ZBTB25: variants seen among roughly 807,000 people sequenced by gnomAD.
ZBTB25 encodes zinc finger and BTB domain containing 25, also known as zinc finger and BTB domain-containing protein 25.
A neutral mutation model predicts 34.2 loss-of-function variants in ZBTB25; 20 were observed. The ratio of observed to expected loss-of-function variants is 0.58; its 90% CI spans 0.41 to 0.85. The LOEUF (loss-of-function observed/expected upper bound fraction) is 0.85, where lower values mean the gene tolerates loss of function less well. Ranked by LOEUF, ZBTB25 falls within the 40% of genes least tolerant of loss-of-function variation. The pLI, the probability that ZBTB25 is intolerant of heterozygous loss-of-function variation, is 0.00. For missense variants in ZBTB25, 437 were observed against 521.8 expected (o/e 0.84, Z 1.58); for synonymous variants, 175 against 186.4 (o/e 0.94, Z 0.50).
In ZBTB25 at chr14:64,489,566, C is replaced by T. The variant is rs1290485684; in HGVS notation, c.173+795G>A. Among the ~76,000 whole-genome samples the T allele has an allele frequency of 4.5e-4, 67 of 149,200 alleles. 1 individual carries two copies. Among genetic ancestry groups the T allele is most frequent in the Admixed American group, 3.7e-3 (55 of 15,002 alleles). On this transcript the variant is annotated intron_variant, in intron 2 of 2. Transcript: ENST00000608382. ...TTTTTTTTTTTTTGAGACAGAGTCT[C>T]GCTCTGTCACCCAGGCTGGAATGCA...
rs566993386 is a variant in ZBTB25 at position 64,459,273 on chromosome 14, T to C, written c.174-9635A>G. 3.3e-5 allele frequency among the ~76,000 whole-genome samples: 5 copies of C among 152,310 alleles called. No individual in the cohort carries two copies. The South Asian group carries it at 1.0e-3, about 32-fold the overall frequency. On this transcript the variant is annotated intron_variant, in intron 2 of 2. Coordinates refer to the ZBTB25 transcript ENST00000555220. ...TGAGTTTTGGGAAACTGAACCCTCATTTGGACATTAGCGAAGGGGCATTCT... is the reference window on the plus strand; with the variant it reads ...TGAGTTTTGGGAAACTGAACCCTCACTTGGACATTAGCGAAGGGGCATTCT...
intron 2 of ZBTB25, chr14:64,469,831 A>C (rs935057461): frequency 1.7e-6 from 1 of 588,278 alleles, no homozygotes; most frequent in African/African-American, 1.9e-5. Flanking sequence ...AGATTAAGTC[A>C]AGTTTATAAA....
At chr14:64,504,514 A>AGCCGCC (rs1012025922), upstream of ZBTB25, 2 of 167,428 alleles carry the variant, frequency 1.2e-5, no homozygotes, top group Non-Finnish European at 2.6e-5. Flanking sequence ...GGGGTGGTCA[A>AGCCGCC]GCCGCCGCCG....
intron 2 of ZBTB25, chr14:64,470,308 G>GGCC (rs1449664191): frequency 6.0e-6 from 1 of 166,982 alleles, no homozygotes; most frequent in Non-Finnish European, 1.5e-5. Context: ...AGCGCTATTT[G>GGCC]GCCAGGGGCA....
chr14:64,458,493 T>C (rs2078510411), intron 2 of ZBTB25: 1 of 631,644 alleles, frequency 1.6e-6, no homozygotes, highest in African/African-American at 1.8e-5. Flanking sequence ...GAAATATTTA[T>C]ATTTCAACAC....
At chr14:64,474,045 A>C (rs1294956321), downstream of ZBTB25, 1 of 167,080 alleles carries the variant, frequency 6.0e-6, no homozygotes, top group Non-Finnish European at 1.5e-5. Flanking sequence ...TTGATAAGGG[A>C]GACAGGCTCC....
At chr14:64,494,330 G>C (rs1435072371) in intron 1 of ZBTB25, among the ~76,000 whole-genome samples, 1 of 152,182 alleles carries the variant, frequency 6.6e-6, no homozygotes, top group East Asian at 1.9e-4. Flanking sequence ...GACTGCAGGG[G>C]ATATTAGAAA....
Position 64,500,866 on chromosome 14 carries a change from C to G in ZBTB25, c.-8+2795G>C, listed in dbSNP as rs1486686173. ...AGGAGTTCAAGACCCGCCTGGCCAA[C>G]ATGGCGAAACCCTGTCTCTACTAAA... On this transcript the variant is annotated intron_variant, in intron 1 of 2. Coordinates refer to ENST00000608382, the MANE Select transcript of ZBTB25 (RefSeq NM_006977.5). Among the ~76,000 whole-genome samples the G allele has an allele frequency of 9.9e-5, 15 of 152,232 alleles. No individual in the cohort carries two copies. The South Asian group carries it at 2.9e-3, about 29-fold the overall frequency.
At chr14:64,468,530 G>A in intron 2 of ZBTB25, 1 of 1,614,068 alleles carries the variant, frequency 6.2e-7, no homozygotes, top group South Asian at 1.1e-5. Context: ...AGCAGCCAAA[G>A]CACTGAAGCC....
At chr14:64,469,501 G>A in intron 2 of ZBTB25, 1 of 1,613,176 alleles carries the variant, frequency 6.2e-7, no homozygotes, top group Non-Finnish European at 8.5e-7. Context: ...CTGAAAATGA[G>A]CAAGTAGGGG....
At chr14:64,504,267 G>A (rs888896710), upstream of ZBTB25, among the ~76,000 whole-genome samples, 1 of 152,008 alleles carries the variant, frequency 6.6e-6, no homozygotes, top group African/African-American at 2.4e-5. Context: ...GGGTCGGGGG[G>A]GCGCGGGGAC....
At chr14:64,493,856 A>G (rs533927991) in intron 1 of ZBTB25, among the ~76,000 whole-genome samples, 6 of 151,978 alleles carry the variant, frequency 3.9e-5, no homozygotes, top group Non-Finnish European at 5.9e-5. Flanking sequence ...AAAAAAAAAA[A>G]AAGAAGAAGA....
chr14:64,460,054 T>G, intron 2 of ZBTB25: 1 of 808,458 alleles, frequency 1.2e-6, no homozygotes, highest in Non-Finnish European at 1.9e-6. Flanking sequence ...GTGCCACAGG[T>G]CTCTGCCATC....
downstream of ZBTB25, chr14:64,473,466 G>C (rs2078694332): frequency 1.8e-5 from 3 of 167,114 alleles, no homozygotes; most frequent in South Asian, 6.2e-4. Context: ...TATGTGAACA[G>C]GCTTGCTAAA....
At chr14:64,498,329 A>G (rs1225581231) in intron 1 of ZBTB25, among the ~76,000 whole-genome samples, 1 of 150,002 alleles carries the variant, frequency 6.7e-6, no homozygotes, top group Non-Finnish European at 1.5e-5. Flanking sequence ...TTTTTGAGAC[A>G]GAGTCTCGCT....
chr14:64,492,467 A>G (rs994746223), intron 1 of ZBTB25, among the ~76,000 whole-genome samples: 2 of 152,042 alleles, frequency 1.3e-5, no homozygotes, highest in African/African-American at 4.8e-5. Flanking sequence ...TCAGCCTCCT[A>G]AAGGCATGAG....
upstream of ZBTB25, chr14:64,504,962 T>G: frequency 2.5e-6 from 1 of 394,822 alleles, no homozygotes; most frequent in Non-Finnish European, 4.5e-6. Flanking sequence ...TATTTGCCAG[T>G]TGTGGGGCTA....
chr14:64,502,768 G>A, intron 1 of ZBTB25: 14 of 961,228 alleles, frequency 1.5e-5, no homozygotes, highest in Non-Finnish European at 1.7e-5. Context: ...CTATCAAGAG[G>A]TGTAGCTAGC....
At chr14:64,473,058 T>C (rs1434730816), downstream of ZBTB25, 1 of 167,074 alleles carries the variant, frequency 6.0e-6, no homozygotes, top group African/African-American at 2.4e-5. Context: ...TTTCAGCATA[T>C]TATCATTCCT....
Sources: gnomAD v4.1 joint callset for allele counts (sites outside exome capture counted in the v4.1 genomes callset) on GRCh38, gnomAD v4.1.1 for gene constraint, MANE v1.5 for transcripts, NCBI Gene and HGNC (gene_info 2026-07-23, HGNC 2026-07-21) for gene names.